Variants in SYNE2 observed in about 807,000 individuals in gnomAD.
SYNE2 encodes spectrin repeat containing nuclear envelope protein 2.
Under a neutral mutation model 856.3 loss-of-function variants are expected in SYNE2, and 431 were observed. The ratio of observed to expected loss-of-function variants is 0.50; its 90% CI spans 0.47 to 0.55. SYNE2 has a LOEUF of 0.55. Among genes scored for constraint, SYNE2 ranks in the 20% least tolerant of loss-of-function variants. The pLI, the probability that SYNE2 is intolerant of heterozygous loss-of-function variation, is 0.00. For synonymous variants in SYNE2, 2,923 were observed against 2,872.3 expected (o/e 1.02, Z -0.56); for missense variants, 8,129 against 8,023.2 (o/e 1.01, Z -0.50).
At chr14:63,966,304 C>T (rs951612045) in intron 10 of SYNE2, among the ~76,000 whole-genome samples, 3 of 151,442 alleles carry the variant, frequency 2.0e-5, no homozygotes, top group African/African-American at 7.3e-5. Flanking sequence ...CATTTGAACC[C>T]GGGAGCTCAA....
intron 76 of SYNE2, among the ~76,000 whole-genome samples, chr14:64,131,710 T>C (rs182942401): frequency 1.2e-4 from 18 of 152,248 alleles, no homozygotes; most frequent in Non-Finnish European, 2.4e-4. Flanking sequence ...GCCTCCTGAG[T>C]AGCTGGGACT....
chr14:63,892,548 G>GAA (rs111290463), intron 1 of SYNE2, among the ~76,000 whole-genome samples: 1 of 147,446 alleles, frequency 6.8e-6, no homozygotes, highest in African/African-American at 2.5e-5. Flanking sequence ...CATTTGGGGA[G>GAA]AAAAAAAAAA....
chr14:64,052,983 G>A lies in SYNE2; in HGVS notation c.9070G>A (p.Val3024Ile), dbSNP rs958445620. 8 of 1,610,714 alleles carry A rather than the reference G, an allele frequency of 5.0e-6. No homozygotes were observed. The highest frequency in any genetic ancestry group is 5.9e-6 in the Non-Finnish European group (7 of 1,179,312). ...ACAACTTGACCAATTACAAACCCAA[G>A]TATTTGAAAAAGAAAAGGAACTTGA... Reference protein sequence around the residue: ...FSQLDQLQTQVFEKEKELEEK... With the variant: ...FSQLDQLQTQIFEKEKELEEK... Residue 3024 changes from valine to isoleucine, a missense_variant, in exon 48 of 116, where the codon GTA (valine) becomes ATA (isoleucine). Val to Ile is a conservative substitution (Grantham distance 29). This residue lies in a region of SYNE2 where 5,410 missense variants were observed against 5,284.8 expected (regional missense o/e 1.02). Transcript: ENST00000555002.
rs376046965 is a variant in SYNE2, at chr14:64,031,432, G to A, written c.7221+75G>A. On this transcript the variant is annotated intron_variant, in intron 45 of 115. Transcript: ENST00000555002. ...GGTATTTGGCTCTGAAAAGAGGGTC[G>A]TGAATCAAGCATTCTGATTTCATAA... 2.7e-4 allele frequency: 342 copies of A among 1,282,696 alleles called. 2 individuals are homozygous for A. The South Asian group carries it at 4.0e-3, about 15-fold the overall frequency. 79.5% of individuals were successfully genotyped at this position (1,282,696 alleles called of 1,614,324 possible). A position where few individuals can be genotyped will look rare whatever the true frequency, so the allele number is the denominator to read the frequency against.
chr14:64,119,624 T>C lies in SYNE2; in HGVS notation c.13023+15T>C. The C allele has an allele frequency of 6.2e-7, 1 of 1,613,368 alleles. No homozygotes were observed. The highest frequency in any genetic ancestry group is 1.1e-5 in the South Asian group (1 of 91,004). On this transcript the variant is annotated intron_variant, in intron 67 of 115. Coordinates refer to ENST00000555002, the MANE Select transcript of SYNE2 (RefSeq NM_182914.3). Reference sequence around the variant, plus strand: ...GTGAAGATCAGGTAAAAAATGACTATCTATGGACATTCATCTTGATACACA... The same window carrying C: ...GTGAAGATCAGGTAAAAAATGACTACCTATGGACATTCATCTTGATACACA...
intron 51 of SYNE2, 86 bp from the exon 52 acceptor site, chr14:64,070,559 G>C (rs2097397725): frequency 8.7e-7 from 1 of 1,150,210 alleles, no homozygotes; most frequent in Non-Finnish European, 1.2e-6. Flanking sequence ...TTTGAAGAGA[G>C]AGCATACAAA....
intron 31 of SYNE2, among the ~76,000 whole-genome samples, chr14:64,009,487 G>A (rs1160384815): frequency 1.5e-5 from 2 of 131,760 alleles, no homozygotes; most frequent in African/African-American, 5.8e-5. Flanking sequence ...AGTGAGCCAG[G>A]ATCACACCAC....
At chr14:64,031,577 A>G (rs1172448954) in intron 45 of SYNE2, among the ~76,000 whole-genome samples, 1 of 152,206 alleles carries the variant, frequency 6.6e-6, no homozygotes, top group Non-Finnish European at 1.5e-5. Flanking sequence ...TCAGTCATCA[A>G]TTTAGGTTTA....
upstream of SYNE2, among the ~76,000 whole-genome samples, chr14:63,851,334 C>G (rs945025678): frequency 5.9e-5 from 9 of 152,174 alleles, no homozygotes. Flanking sequence ...GCACTCCAGC[C>G]TGGGCAACAG....
Position 64,016,584 on chromosome 14 carries a change from C to A in SYNE2, c.4840C>A (p.Pro1614Thr). 6.2e-7 allele frequency: 1 copy of A among 1,600,368 alleles called. No homozygotes were observed. Among genetic ancestry groups the A allele is most frequent in the Non-Finnish European group, 8.5e-7 (1 of 1,171,226 alleles). Residue 1614 changes from proline (P) to threonine (T), a missense_variant, in exon 33 of 116, where the codon CCC (proline) becomes ACC (threonine). Around this residue, in one of 3 missense-constraint regions of SYNE2, gnomAD observed 2,422 missense variants for 2,357.4 expected, o/e 1.03. Transcript: ENST00000555002. ...YLNKMKTFEE[P>T]PFEKEANIIV... is the part of the protein sequence containing the mutation. ...AAATAAAATGAAAACTTTTGAAGAG[C>A]CCCCTTTTGAAAAAGAGGCTAATAT...
Position 64,026,666 on chromosome 14 carries a change from AAGACCCTCACTGACATC to A in SYNE2, c.6343_6359del (p.Thr2115GlnfsTer11). ...GAGCAGCGAGGCCCCGCTGGTTCAG[AAGACCCTCACTGACATC>A]AGCAACCAGTGGGACAACACACTCC... On this transcript the variant is annotated frameshift_variant, in exon 42 of 116. Coordinates refer to ENST00000555002, the MANE Select transcript of SYNE2 (RefSeq NM_182914.3). LOFTEE classifies it high-confidence loss of function. 1.2e-6 allele frequency: 2 copies of A among 1,613,268 alleles called. No individual in the cohort carries two copies. The highest frequency in any genetic ancestry group is 8.5e-7 in the Non-Finnish European group (1 of 1,179,596).
At position 64,010,125 on chromosome 14, in the gene SYNE2, AG is replaced by A; in HGVS notation, c.4728+11del. ...AGAAAAGGATAGCAGAGGTGAGTCC[AG>A]GTTCCATTAGAAAAAACTGCCCAGT... On this transcript the variant is annotated intron_variant, in intron 32 of 115. Coordinates refer to ENST00000555002, the MANE Select transcript of SYNE2 (RefSeq NM_182914.3). 6.2e-7 allele frequency: 1 copy of A among 1,607,434 alleles called. No individual in the cohort carries two copies.
intron 30 of SYNE2, among the ~76,000 whole-genome samples, chr14:64,006,759 T>C (rs2096799192): frequency 6.6e-6 from 1 of 151,910 alleles, no homozygotes; most frequent in Non-Finnish European, 1.5e-5. Context: ...GCCTGGGAGG[T>C]TGAGGCTGCA....
At chr14:64,219,124 T>TTTTAA in intron 109 of SYNE2, 84 bp from the exon 110 acceptor site, 2 of 845,410 alleles carry the variant, frequency 2.4e-6, no homozygotes, top group Non-Finnish European at 3.6e-6. Context: ...TTTTTTTTTT[T>TTTTAA]AACCACCCTG....
chr14:64,199,320 A>G (rs1396204423), intron 99 of SYNE2, among the ~76,000 whole-genome samples: 1 of 152,330 alleles, frequency 6.6e-6, no homozygotes. Flanking sequence ...CAGACTACCC[A>G]GGTTAGAATC....
intron 58 of SYNE2, 127 bp from the exon 59 acceptor site, chr14:64,089,447 T>C: frequency 1.3e-6 from 1 of 763,714 alleles, no homozygotes. Context: ...CTTGGTTAGT[T>C]TTTCAGAGGT....
rs547061262 is a variant in SYNE2 at position 64,035,868 on chromosome 14, AT to A, written c.7221+4527del. 5.7e-3 allele frequency among the ~76,000 whole-genome samples: 743 copies of A among 130,106 alleles called. 1 individual carries two copies. The highest frequency in any genetic ancestry group is 7.3e-3 in the Non-Finnish European group (432 of 59,506). The allele number at this position is 130,106 out of a possible 152,430, so 85.4% of individuals were successfully genotyped here. Reference sequence around the variant, plus strand: ...ATCACAATGCCCAGCTAATTTTTGTATTTTTTTTTTTTTTTTGTAGAGACCC... The same window carrying A: ...ATCACAATGCCCAGCTAATTTTTGTATTTTTTTTTTTTTTTGTAGAGACCC... On this transcript the variant is annotated intron_variant, in intron 45 of 115. Coordinates refer to ENST00000555002, the MANE Select transcript of SYNE2 (RefSeq NM_182914.3).
At position 64,080,642 on chromosome 14, in the gene SYNE2, T is replaced by G; in HGVS notation, c.11346+4T>G. 3.1e-6 allele frequency: 5 copies of G among 1,613,990 alleles called. No individual in the cohort carries two copies. Among genetic ancestry groups the G allele is most frequent in the Non-Finnish European group, 4.2e-6 (5 of 1,179,902 alleles). The stretch of plus-strand genomic sequence containing the variant: ...TAGAACCTCACAGTTGAATAAGGTA[T>G]GGCTGTGACTCGTAATAGCTTCATA... On this transcript the variant is annotated splice_donor_region_variant and intron_variant, in intron 56 of 115. Transcript: ENST00000555002.
intron 1 of SYNE2, among the ~76,000 whole-genome samples, chr14:63,835,802 G>A (rs749533692): frequency 6.6e-6 from 1 of 151,948 alleles, no homozygotes; most frequent in Non-Finnish European, 1.5e-5. Context: ...TCACCAACAT[G>A]GAGAAACCCC....
Sources: allele counts gnomAD v4.1 joint callset (sites outside exome capture counted in the v4.1 genomes callset), GRCh38; gene constraint gnomAD v4.1.1; regional missense constraint gnomAD v4.1.1; transcripts MANE v1.5; gene names NCBI Gene and HGNC (gene_info 2026-07-23, HGNC 2026-07-21).